Variants in MROH2B observed in about 807,000 individuals in gnomAD.
The protein encoded by MROH2B is maestro heat like repeat family member 2B, also known as maestro heat-like repeat-containing protein family member 2B.
A neutral mutation model predicts 208.6 loss-of-function variants in MROH2B; 177 were observed. The ratio of observed to expected loss-of-function variants is 0.85; its 90% confidence interval spans 0.75 to 0.96. MROH2B has a LOEUF of 0.96. Ranked by LOEUF, MROH2B falls within the 40% of genes least tolerant of loss-of-function variation. The pLI, the probability that MROH2B is intolerant of heterozygous loss-of-function variation, is 0.00. For synonymous variants in MROH2B, 728 were observed against 659.0 expected (o/e 1.10, Z -1.60); for missense variants, 2,002 against 1,878.7 (o/e 1.07, Z -1.21).
intron 13 of MROH2B, among the ~76,000 whole-genome samples, chr5:41,050,168 T>A (rs1457346178): frequency 6.6e-6 from 1 of 152,234 alleles, no homozygotes; most frequent in Non-Finnish European, 1.5e-5. Flanking sequence ...AGTCTACTCA[T>A]GTGTGAATCT....
chr5:41,014,527 G>A (rs557320624), intron 29 of MROH2B, among the ~76,000 whole-genome samples: 34 of 152,232 alleles, frequency 2.2e-4, no homozygotes, highest in African/African-American at 7.9e-4. Flanking sequence ...CATGGCACAT[G>A]TATACATATG....
chr5:41,018,080 A>T, intron 27 of MROH2B, 110 bp from the exon 28 acceptor site: 2 of 1,387,706 alleles, frequency 1.4e-6, no homozygotes, highest in Non-Finnish European at 1.9e-6. Flanking sequence ...GGTCCTTAGA[A>T]TGAAATTTGA....
At position 41,057,097 on chromosome 5, in the gene MROH2B, T is replaced by C. The variant is rs1371878807; in HGVS notation, c.919+12A>G. 6.2e-7 allele frequency: 1 copy of C among 1,613,826 alleles called. No homozygotes were observed. Among genetic ancestry groups the C allele is most frequent in the Non-Finnish European group, 8.5e-7 (1 of 1,179,732 alleles). ...ACATTTTTATTAAAAGCCTTCTGGA[T>C]GCTGGTCCTACCTAGAATGAGAAAA... On this transcript the variant is annotated intron_variant, in intron 9 of 41. Transcript: ENST00000399564.
At chr5:41,000,060 C>T (rs752721109) in intron 39 of MROH2B, 160 bp downstream of exon 39, 112 of 945,464 alleles carry the variant, frequency 1.2e-4, no homozygotes, top group Non-Finnish European at 1.4e-4. Flanking sequence ...GGCAGGATAC[C>T]TCTATGTCAC....
chr5:41,055,740 A>G lies in MROH2B; in HGVS notation c.1033+2T>C. 6.2e-7 allele frequency: 1 copy of G among 1,611,290 alleles called. No homozygotes were observed. The highest frequency in any genetic ancestry group is 8.5e-7 in the Non-Finnish European group (1 of 1,177,606). On this transcript the variant is annotated splice_donor_variant, in intron 10 of 41. Coordinates refer to ENST00000399564, the MANE Select transcript of MROH2B (RefSeq NM_173489.5). LOFTEE classifies it high-confidence loss of function. ...CATGTTGGCTTCAACCCTCTTGCTT[A>G]CCATCAGCATTGACAGCCAATCTTA...
intron 19 of MROH2B, 27 bp from the exon 20 acceptor site, chr5:41,039,582 T>G: frequency 6.9e-7 from 1 of 1,457,612 alleles, no homozygotes; most frequent in Non-Finnish European, 9.4e-7. Context: ...TATGACATTT[T>G]GAGTTTAACC....
intron 22 of MROH2B, 105 bp from the exon 23 acceptor site, chr5:41,033,265 A>C (rs1439892238): frequency 6.8e-7 from 1 of 1,469,860 alleles, no homozygotes; most frequent in Non-Finnish European, 9.2e-7. Flanking sequence ...AGGAGTGAGA[A>C]TCTTTGCTTC....
Position 41,058,099 on chromosome 5 carries a change from C to T in MROH2B, c.720G>A (p.Gln240=). 1 of 1,604,012 alleles carries T rather than the reference C, an allele frequency of 6.2e-7. No homozygotes were observed. The highest frequency in any genetic ancestry group is 8.5e-7 in the Non-Finnish European group (1 of 1,175,202). Residue 240 remains glutamine, a synonymous_variant, in exon 7 of 42, where the codon CAG becomes CAA. Coordinates refer to ENST00000399564, the MANE Select transcript of MROH2B (RefSeq NM_173489.5). ...GGAAATCAATCTCTTTGTCTTTATA[C>T]TGGTTCAGGAGCCAGGGCACCTGGC... ...ALGQVPWLLN[Q]YKDKEIDFHV...
At chr5:41,062,403 C>A (rs1256451682) in intron 5 of MROH2B, among the ~76,000 whole-genome samples, 2 of 152,166 alleles carry the variant, frequency 1.3e-5, no homozygotes, top group Admixed American at 1.3e-4. Flanking sequence ...CAATCTCCCA[C>A]TTCTTGACCT....
Position 41,061,614 on chromosome 5 carries a change from A to G in MROH2B, c.571T>C (p.Trp191Arg), listed in dbSNP as rs865093. ...GGGGCCCACTTCTCCATTATATACC[A>G]GAACAGCATGAAGATCTTGTCAGAC... The part of the protein sequence containing the change: ...RLSDKIFMLF[W>R]YIMEKWAPLA... Residue 191 changes from tryptophan to arginine, a missense_variant, in exon 6 of 42, where the codon TGG (tryptophan) becomes CGG (arginine). Trp to Arg is a moderately radical substitution (Grantham distance 101). Coordinates refer to ENST00000399564, the MANE Select transcript of MROH2B (RefSeq NM_173489.5). The G allele has an allele frequency of 0.84, 1,353,647 of 1,613,480 alleles. 569,772 individuals are homozygous for G. Among genetic ancestry groups the G allele is most frequent in the Middle Eastern group, 0.87 (5,288 of 6,062 alleles).
intron 11 of MROH2B, among the ~76,000 whole-genome samples, chr5:41,054,087 C>A (rs1416047781): frequency 1.3e-5 from 2 of 151,958 alleles, no homozygotes; most frequent in East Asian, 3.9e-4. Flanking sequence ...TCAAGTGATT[C>A]TTGTGCCTCA....
intron 39 of MROH2B, 54 bp downstream of exon 39, chr5:41,000,166 T>G: frequency 6.3e-7 from 1 of 1,591,786 alleles, no homozygotes; most frequent in Admixed American, 1.8e-5. Context: ...CTTCTGCGAT[T>G]TGTCTAGACC....
At chr5:41,060,232 A>T (rs1357107477) in intron 6 of MROH2B, among the ~76,000 whole-genome samples, 1 of 152,146 alleles carries the variant, frequency 6.6e-6, no homozygotes, top group East Asian at 1.9e-4. Flanking sequence ...ACCACTTATG[A>T]GCTGGAATAT....
At chr5:41,067,252 G>T in intron 2 of MROH2B, 34 bp from the exon 3 acceptor site, 1 of 1,316,562 alleles carries the variant, frequency 7.6e-7, no homozygotes, top group Non-Finnish European at 1.1e-6. Flanking sequence ...CAGAAATTTG[G>T]CTTGCAAAAA....
At chr5:41,014,469 G>C (rs955649757) in intron 29 of MROH2B, among the ~76,000 whole-genome samples, 2 of 152,120 alleles carry the variant, frequency 1.3e-5, no homozygotes, top group Non-Finnish European at 2.9e-5. Flanking sequence ...ATAGCATTAG[G>C]AGATATACCT....
chr5:41,022,234 G>A (rs1742175299), intron 24 of MROH2B, among the ~76,000 whole-genome samples: 1 of 152,164 alleles, frequency 6.6e-6, no homozygotes, highest in Non-Finnish European at 1.5e-5. Flanking sequence ...CTGAGTGAGA[G>A]CCAAAGCAGG....
In MROH2B at chr5:41,049,386, T is replaced by G; in HGVS notation, c.1395A>C (p.Glu465Asp). Reference sequence around the variant, plus strand: ...TGATACTAAACAGGGGCTCCAGAGCTTCTGTGTATTCTGCAGGTACCACAA... The same window carrying G: ...TGATACTAAACAGGGGCTCCAGAGCGTCTGTGTATTCTGCAGGTACCACAA... Reference protein sequence around the residue: ...LTFVVPAEYTEALEPLFSIIR... With the variant: ...LTFVVPAEYTDALEPLFSIIR... Residue 465 changes from glutamate (E) to aspartate (D), a missense_variant, in exon 14 of 42, where the codon GAA (glutamate) becomes GAC (aspartate). Transcript: ENST00000399564. 6.2e-7 allele frequency: 1 copy of G among 1,613,742 alleles called. No homozygotes were observed. Among genetic ancestry groups the G allele is most frequent in the Non-Finnish European group, 8.5e-7 (1 of 1,179,784 alleles).
At position 41,036,131 on chromosome 5, in the gene MROH2B, C is replaced by T. The variant is rs71582500; in HGVS notation, c.2215-2267G>A. 5.4e-4 allele frequency among the ~76,000 whole-genome samples: 43 copies of T among 79,810 alleles called. 1 individual carries two copies. The East Asian group carries it at 5.5e-3, about 10-fold the overall frequency. The allele number at this position is 79,810 out of a possible 152,430, so 52.4% of individuals were successfully genotyped here. A position where few individuals can be genotyped will look rare whatever the true frequency, so the allele number is the denominator to read the frequency against. ...GTGGGAGATACATATATTATATATA[C>T]ACACACACACACACACACACACCCC... On this transcript the variant is annotated intron_variant, in intron 21 of 41. Transcript: ENST00000399564.
chr5:41,063,859 C>T (rs1743716773), intron 5 of MROH2B, among the ~76,000 whole-genome samples: 1 of 152,132 alleles, frequency 6.6e-6, no homozygotes, highest in African/African-American at 2.4e-5. Context: ...TTCCAGGGCA[C>T]GTTCTTCTCT....
Sources: allele counts gnomAD v4.1 joint callset (sites outside exome capture counted in the v4.1 genomes callset), GRCh38; gene constraint gnomAD v4.1.1; transcripts MANE v1.5; gene names NCBI Gene and HGNC (gene_info 2026-07-23, HGNC 2026-07-21).